LRP12: variants seen among roughly 807,000 people sequenced by gnomAD.
LRP12 encodes the protein low-density lipoprotein receptor-related protein 12.
In LRP12, 14 loss-of-function variants were observed where a neutral mutation model predicts 66.0. The ratio of observed to expected loss-of-function variants is 0.21; its 90% CI spans 0.14 to 0.33. The LOEUF is 0.33. LRP12 is among the 10% of genes least tolerant of loss of function. The pLI is 1.00. For synonymous variants in LRP12, 357 were observed against 359.1 expected, an observed-to-expected ratio of 0.99 and a Z score of 0.07; for missense variants, 889 against 1,053.4, an observed-to-expected ratio of 0.84 and a Z score of 2.16.
intron 1 of LRP12, among the ~76,000 whole-genome samples, chr8:104,538,332 ACTC>A (rs1456358396): frequency 6.6e-6 from 1 of 151,878 alleles, no homozygotes; most frequent in Non-Finnish European, 1.5e-5. Flanking sequence ...AATTTCCCAT[ACTC>A]CTTGTGCATC....
At chr8:104,495,274 T>G (rs1269989205) in intron 5 of LRP12, 65 bp from the exon 6 acceptor site, 1 of 1,468,754 alleles carries the variant, frequency 6.8e-7, no homozygotes, top group East Asian at 2.3e-5. Flanking sequence ...CAATTTTCTA[T>G]TATCAGTAAT....
intron 2 of LRP12, among the ~76,000 whole-genome samples, chr8:104,523,318 A>G (rs532620817): frequency 9.8e-5 from 15 of 152,342 alleles, no homozygotes; most frequent in Non-Finnish European, 2.1e-4. Context: ...ATTTACTACC[A>G]TAAAAAATAC....
At chr8:104,577,959 A>T (rs1812191550) in intron 1 of LRP12, among the ~76,000 whole-genome samples, 3 of 152,158 alleles carry the variant, frequency 2.0e-5, no homozygotes, top group Non-Finnish European at 2.9e-5. Flanking sequence ...GAAAGATTGC[A>T]AATTAACAAC....
In LRP12 at chr8:104,532,018, T is replaced by G. The variant is rs1588494321; in HGVS notation, c.80-55A>C. 18 of 1,120,696 alleles carry G rather than the reference T, an allele frequency of 1.6e-5. No homozygotes were observed. In the South Asian group the frequency reaches 2.5e-4, roughly 16 times the overall value. The allele number at this position is 1,120,696 out of a possible 1,614,324, so 69.4% of individuals were successfully genotyped here. On this transcript the variant is annotated intron_variant, in intron 1 of 6. Transcript: ENST00000276654. ...ATCCAAGATAAAATTACAAAATTTT[T>G]TCAGATCCTCCCTTTAAAAGAGAAA...
At chr8:104,565,656 C>G (rs930362551) in intron 1 of LRP12, among the ~76,000 whole-genome samples, 1 of 151,976 alleles carries the variant, frequency 6.6e-6, no homozygotes, top group African/African-American at 2.4e-5. Flanking sequence ...GTCAGGAGAT[C>G]AAGACCACCC....
chr8:104,504,195 T>G (rs1457904251), intron 3 of LRP12: 8 of 152,098 alleles, frequency 5.3e-5, no homozygotes, highest in Non-Finnish European at 1.2e-4. Flanking sequence ...CTTATGACAT[T>G]AAAAATTTTG....
chr8:104,495,147 G>C lies in LRP12; in HGVS notation c.1643C>G (p.Ser548Trp). 1 of 1,613,692 alleles carries C rather than the reference G, an allele frequency of 6.2e-7. No homozygotes were observed. The change falls in exon 6 of 7, where the codon TCG becomes TGG. Residue 548 changes from serine (S) to tryptophan (W), a missense_variant. Transcript: ENST00000276654. ...ACCCTGAGCAATCAATTGTCCATAC[G>C]AGGGAGGAGCTTCTCTTCTTAACAA... ...AELLRREAPPSYGQLIAQGLI... is the reference protein window; with the variant it reads ...AELLRREAPPWYGQLIAQGLI...
At chr8:104,585,472 C>T (rs950483615) in intron 1 of LRP12, among the ~76,000 whole-genome samples, 2 of 152,080 alleles carry the variant, frequency 1.3e-5, no homozygotes, top group Non-Finnish European at 2.9e-5. Context: ...GAGACTCACC[C>T]GCCTCAGCCT....
At chr8:104,499,122 T>C (rs1356730773) in intron 4 of LRP12, among the ~76,000 whole-genome samples, 195 bp downstream of exon 4, 1 of 152,212 alleles carries the variant, frequency 6.6e-6, no homozygotes, top group Non-Finnish European at 1.5e-5. Flanking sequence ...GTTAATCATT[T>C]TGTTAGAATT....
At chr8:104,547,241 A>G (rs1279932087) in intron 1 of LRP12, among the ~76,000 whole-genome samples, 10 of 132,992 alleles carry the variant, frequency 7.5e-5, no homozygotes, top group Non-Finnish European at 6.1e-5. Flanking sequence ...TGTATATAAT[A>G]TACAATTCTG....
chr8:104,586,810 A>G (rs1812340191), intron 1 of LRP12, among the ~76,000 whole-genome samples: 1 of 152,106 alleles, frequency 6.6e-6, no homozygotes, highest in Admixed American at 6.5e-5. Context: ...GATATAGTTT[A>G]ATGTTCTGCC....
intron 1 of LRP12, among the ~76,000 whole-genome samples, chr8:104,548,265 T>G (rs866005670): frequency 1.0e-5 from 1 of 95,630 alleles, no homozygotes; most frequent in Non-Finnish European, 1.8e-5. Flanking sequence ...TATTAATATA[T>G]GATATATATT....
At chr8:104,510,341 T>A (rs1159633929) in intron 2 of LRP12, among the ~76,000 whole-genome samples, 1 of 152,206 alleles carries the variant, frequency 6.6e-6, no homozygotes, top group Non-Finnish European at 1.5e-5. Context: ...TATGAATGAT[T>A]CCTACATTAT....
chr8:104,563,966 G>GAATGCTGC (rs1811955433), intron 1 of LRP12, among the ~76,000 whole-genome samples: 1 of 152,174 alleles, frequency 6.6e-6, no homozygotes, highest in African/African-American at 2.4e-5. Context: ...CTGGCTCATA[G>GAATGCTGC]TAACTACTAT....
intron 1 of LRP12, among the ~76,000 whole-genome samples, chr8:104,561,467 C>A (rs1196121620): frequency 6.6e-6 from 1 of 152,166 alleles, no homozygotes; most frequent in East Asian, 1.9e-4. Flanking sequence ...TAAATCATTT[C>A]ATTAGGGTTG....
chr8:104,530,116 G>A (rs932869986), intron 2 of LRP12, among the ~76,000 whole-genome samples: 1 of 152,042 alleles, frequency 6.6e-6, no homozygotes, highest in African/African-American at 2.4e-5. Flanking sequence ...ACATATTGAT[G>A]TAAACATGCA....
intron 1 of LRP12, among the ~76,000 whole-genome samples, chr8:104,556,798 G>A (rs1811816131): frequency 6.6e-6 from 1 of 151,966 alleles, no homozygotes; most frequent in Non-Finnish European, 1.5e-5. Flanking sequence ...AACAAAACCA[G>A]GGAAGGACAT....
chr8:104,588,562 T>A (rs1480148469), intron 1 of LRP12, among the ~76,000 whole-genome samples: 1 of 152,000 alleles, frequency 6.6e-6, no homozygotes, highest in Non-Finnish European at 1.5e-5. Flanking sequence ...CGCCACCCCC[T>A]CGCTCCGCCG....
At chr8:104,580,454 C>T (rs563877386) in intron 1 of LRP12, among the ~76,000 whole-genome samples, 23 of 151,538 alleles carry the variant, frequency 1.5e-4, no homozygotes, top group African/African-American at 5.3e-4. Context: ...GGCATGAACC[C>T]GCGAGGCGGG....
Sources: allele counts gnomAD v4.1 joint callset (sites outside exome capture counted in the v4.1 genomes callset), GRCh38; gene constraint gnomAD v4.1.1; transcripts MANE v1.5; gene names NCBI Gene and HGNC (gene_info 2026-07-23, HGNC 2026-07-21).